Variants in EDA observed in about 807,000 individuals in gnomAD.
The protein encoded by EDA is ectodysplasin-A.
A neutral mutation model predicts 23.6 loss-of-function variants in EDA; 2 were observed. The observed-to-expected ratio is 0.08, with a 90% confidence interval of 0.03 to 0.27. EDA has a LOEUF of 0.27. Ranked by LOEUF, EDA falls within the 10% of genes least tolerant of loss-of-function variation. The probability of loss-of-function intolerance (pLI) is 1.00; values close to 1 mark genes in which losing one functional copy is unlikely to be tolerated. For synonymous variants in EDA, 131 were observed against 132.0 expected (o/e 0.99, Z 0.05); for missense variants, 229 against 324.2 (o/e 0.71, Z 2.26).
chrX:69,713,361 A>T (rs1426897733), intron 1 of EDA, among the ~76,000 whole-genome samples: 5 of 111,807 alleles, frequency 4.5e-5, no homozygotes, highest in Non-Finnish European at 7.5e-5. Flanking sequence ...CAATCTACCC[A>T]TCTTATTCAT....
intron 1 of EDA, among the ~76,000 whole-genome samples, chrX:69,681,634 T>C (rs1256250533): frequency 9.0e-6 from 1 of 111,098 alleles, no homozygotes; most frequent in Admixed American, 9.6e-5. Flanking sequence ...GGCTTCTGCA[T>C]TCTTCACGTA....
intron 1 of EDA, among the ~76,000 whole-genome samples, chrX:69,764,260 T>TTTTTTA (rs869277771): frequency 1.7e-5 from 1 of 58,669 alleles, no homozygotes. Context: ...TTTTTTTTTT[T>TTTTTTA]GAGACAGAGT....
At chrX:69,760,828 A>G (rs750726372) in intron 1 of EDA, among the ~76,000 whole-genome samples, 16 of 111,733 alleles carry the variant, frequency 1.4e-4, no homozygotes, top group Non-Finnish European at 3.0e-4. Context: ...GCAGGTGTCT[A>G]TAAGGTAAAA....
intron 1 of EDA, among the ~76,000 whole-genome samples, chrX:69,885,077 T>C (rs1269326774): frequency 8.9e-6 from 1 of 112,537 alleles, no homozygotes; most frequent in Non-Finnish European, 1.9e-5. Context: ...ATTAATGATG[T>C]TAAGCATCTT....
chrX:69,905,844 T>G (rs1055744423), intron 1 of EDA, among the ~76,000 whole-genome samples: 2 of 111,469 alleles, frequency 1.8e-5, no homozygotes, highest in Non-Finnish European at 3.8e-5. Context: ...GGGAGGAGAC[T>G]ATCCTGTTTG....
In EDA at chrX:70,031,232, G is replaced by T. The variant is rs144790972; in HGVS notation, c.793+712G>T. 2.5e-3 allele frequency among the ~76,000 whole-genome samples: 279 copies of T among 112,395 alleles called. 2 individuals carry two copies. The highest frequency in any genetic ancestry group is 8.3e-3 in the African/African-American group (258 of 30,926). ...TACAAGACAGAAAGTGAAGTTCAGA[G>T]AGATTAATTAAGTTTCCCAATATTT... On this transcript the variant is annotated intron_variant, in intron 6 of 7. Transcript: ENST00000374552.
At chrX:69,786,616 A>T (rs2015188890) in intron 1 of EDA, among the ~76,000 whole-genome samples, 1 of 109,548 alleles carries the variant, frequency 9.1e-6, no homozygotes, top group African/African-American at 3.3e-5. Flanking sequence ...TGAGATTCTT[A>T]ATCCTGAGTT....
At chrX:69,846,585 G>A (rs1282539224) in intron 1 of EDA, among the ~76,000 whole-genome samples, 4 of 111,467 alleles carry the variant, frequency 3.6e-5, no homozygotes, top group East Asian at 2.8e-4. Context: ...GTGAGCCACC[G>A]TGCCCGGCCT....
At chrX:69,811,940 G>C (rs2015968336) in intron 1 of EDA, among the ~76,000 whole-genome samples, 1 of 111,569 alleles carries the variant, frequency 9.0e-6, no homozygotes, top group East Asian at 2.8e-4. Context: ...ACCTTGTCCT[G>C]ATGTGGGACA....
At chrX:69,682,756 A>T (rs1435194100) in intron 1 of EDA, among the ~76,000 whole-genome samples, 1 of 111,092 alleles carries the variant, frequency 9.0e-6, no homozygotes, top group Non-Finnish European at 1.9e-5. Context: ...GGTATGTCAG[A>T]TGGAAACGCA....
chrX:69,879,591 C>A (rs920882091), intron 1 of EDA, among the ~76,000 whole-genome samples: 6 of 111,904 alleles, frequency 5.4e-5, no homozygotes, highest in Non-Finnish European at 9.4e-5. Context: ...AATGGAAATG[C>A]TTATAACTAG....
chrX:69,762,747 T>G (rs1020124245), intron 1 of EDA, among the ~76,000 whole-genome samples: 5 of 112,126 alleles, frequency 4.5e-5, no homozygotes, highest in African/African-American at 1.6e-4. Context: ...GTGATTTCCC[T>G]TCACACTCGA....
intron 1 of EDA, among the ~76,000 whole-genome samples, chrX:69,733,743 G>A (rs1346599522): frequency 9.0e-6 from 1 of 111,609 alleles, no homozygotes; most frequent in East Asian, 2.8e-4. Context: ...AGCATGGAAT[G>A]TTCTTCCATT....
chrX:69,915,648 G>A (rs1157674022), intron 1 of EDA, among the ~76,000 whole-genome samples: 3 of 110,559 alleles, frequency 2.7e-5, no homozygotes, highest in Admixed American at 9.7e-5. Context: ...TTTATTGAGT[G>A]CCTACTCTGC....
chrX:69,664,780 C>T (rs1933626156), intron 1 of EDA, among the ~76,000 whole-genome samples: 1 of 111,655 alleles, frequency 9.0e-6, no homozygotes, highest in African/African-American at 3.3e-5. Flanking sequence ...CTGCAGCGAA[C>T]ATGAGAGTGC....
Position 69,616,580 on chromosome X carries a change from G to T in EDA, c.272G>T (p.Ser91Ile). The T allele has an allele frequency of 8.3e-7, 1 of 1,211,773 alleles. No individual in the cohort carries two copies. Among genetic ancestry groups the T allele is most frequent in the South Asian group, 1.8e-5 (1 of 56,945 alleles). ...ACCCCTGGCACCTCTGGCACCCTAA[G>T]CAGCCTCGGTGGCCTCGACCCTGAC... ...SGTPGTSGTL[S>I]SLGGLDPDSP... The change falls in exon 1 of 8, where the codon AGC becomes ATC. Residue 91 changes from serine (S) to isoleucine (I), a missense_variant. Ser to Ile is a moderately radical substitution (Grantham distance 142). Around this residue, in one of 2 missense-constraint regions of EDA, gnomAD observed 175 missense variants for 281.8 expected, o/e 0.62. Transcript: ENST00000374552.
At chrX:69,676,381 T>C (rs1403305945) in intron 1 of EDA, among the ~76,000 whole-genome samples, 1 of 110,999 alleles carries the variant, frequency 9.0e-6, no homozygotes, top group Non-Finnish European at 1.9e-5. Flanking sequence ...TAAAAGATTG[T>C]TGGATTCTGA....
At chrX:69,762,095 GTATA>G (rs2014325859) in intron 1 of EDA, among the ~76,000 whole-genome samples, 1 of 111,642 alleles carries the variant, frequency 9.0e-6, no homozygotes, top group Non-Finnish European at 1.9e-5. Context: ...TGAGGTATCA[GTATA>G]TATATTTAAT....
At chrX:69,689,222 A>AT (rs1934633129) in intron 1 of EDA, among the ~76,000 whole-genome samples, 1 of 105,283 alleles carries the variant, frequency 9.5e-6, no homozygotes, top group Non-Finnish European at 2.0e-5. Context: ...TTTTTTATTT[A>AT]TTATTATTAT....
Sources: gnomAD v4.1 joint callset for allele counts (sites outside exome capture counted in the v4.1 genomes callset) on GRCh38, gnomAD v4.1.1 for gene constraint, gnomAD v4.1.1 regional missense constraint, MANE v1.5 for transcripts, NCBI Gene and HGNC (gene_info 2026-07-23, HGNC 2026-07-21) for gene names.